The following JHY variants were observed in gnomAD, a reference collection of about 807,000 sequenced individuals.
JHY encodes the protein junctional cadherin complex regulator.
In JHY, 69 loss-of-function variants were observed where a neutral mutation model predicts 78.0. The ratio of observed to expected loss-of-function variants is 0.88; its 90% CI spans 0.73 to 1.08. JHY has a LOEUF of 1.08. Among genes scored for constraint, JHY ranks in the 50% least tolerant of loss-of-function variants. JHY has a pLI of 0.00. For synonymous variants in JHY, 368 were observed against 342.6 expected, an observed-to-expected ratio of 1.07 and a Z score of -0.82; for missense variants, 944 against 927.8, an observed-to-expected ratio of 1.02 and a Z score of -0.23.
At chr11:122,912,903 C>T (rs1014668441) in intron 3 of JHY, among the ~76,000 whole-genome samples, 7 of 152,018 alleles carry the variant, frequency 4.6e-5, no homozygotes, top group African/African-American at 9.7e-5. Flanking sequence ...GCTACGGACT[C>T]GGGGCAGACA....
intron 5 of JHY, among the ~76,000 whole-genome samples, chr11:122,943,057 TG>T (rs1764849952): frequency 6.6e-6 from 1 of 151,988 alleles, no homozygotes; most frequent in Admixed American, 6.6e-5. Flanking sequence ...AAAATTTATT[TG>T]GAGACAGGGT....
chr11:122,928,850 G>A (rs527325221), intron 4 of JHY, among the ~76,000 whole-genome samples: 21 of 152,092 alleles, frequency 1.4e-4, no homozygotes, highest in South Asian at 4.2e-4. Context: ...GGGTTTCACC[G>A]TGTTAGCCAG....
chr11:122,886,337 C>G, intron 2 of JHY, 144 bp downstream of exon 2: 1 of 755,174 alleles, frequency 1.3e-6, no homozygotes, highest in South Asian at 2.3e-5. Context: ...CCAAGGATAG[C>G]TGGGCACCAT....
intron 6 of JHY, among the ~76,000 whole-genome samples, chr11:122,951,907 G>A (rs2312937): frequency 0.27 from 40,487 of 151,954 alleles, 6,153 homozygotes; most frequent in Non-Finnish European, 0.35. Flanking sequence ...AATCTCATCA[G>A]GGATTGGTTG....
chr11:122,908,128 C>T (rs530467789), intron 3 of JHY, among the ~76,000 whole-genome samples: 27 of 152,224 alleles, frequency 1.8e-4, no homozygotes, highest in Non-Finnish European at 3.1e-4. Flanking sequence ...GTCCGCCACA[C>T]TCCCCAGGTG....
At chr11:122,903,772 G>A (rs1300541488) in intron 2 of JHY, among the ~76,000 whole-genome samples, 153 bp from the exon 3 acceptor site, 17 of 152,298 alleles carry the variant, frequency 1.1e-4, no homozygotes, top group African/African-American at 3.8e-4. Context: ...ATGAGCCACT[G>A]CACGCTGCTG....
chr11:122,905,242 A>T (rs767501902), intron 3 of JHY: 18 of 1,614,020 alleles, frequency 1.1e-5, no homozygotes, highest in Non-Finnish European at 1.5e-5. Context: ...ACTTAGTTCC[A>T]TTTCACAGGT....
rs1198387490 is a variant in JHY, at chr11:122,934,480, C to A, written c.1039C>A (p.Gln347Lys). 1.9e-6 allele frequency: 3 copies of A among 1,613,820 alleles called. No homozygotes were observed. Among genetic ancestry groups the A allele is most frequent in the Non-Finnish European group, 2.5e-6 (3 of 1,179,800 alleles). Residue 347 changes from glutamine (Q) to lysine (K), a missense_variant, in exon 5 of 9, where the codon CAA (glutamine) becomes AAA (lysine). By Grantham distance (53) the Gln-to-Lys change is moderately conservative. Coordinates refer to ENST00000227349, the MANE Select transcript of JHY (RefSeq NM_024806.4). The stretch of plus-strand genomic sequence containing the variant: ...AAAATCAAGCAATGTACCAAGAGGG[C>A]AACCTTCTGACATGGTGAATGACCA... ...STKSSNVPRG[Q>K]PSDMVNDHQP... is the part of the protein sequence containing the mutation.
intron 3 of JHY, among the ~76,000 whole-genome samples, chr11:122,913,478 C>G (rs1485056713): frequency 2.0e-5 from 3 of 152,174 alleles, no homozygotes; most frequent in Non-Finnish European, 4.4e-5. Flanking sequence ...TGACCTGGCT[C>G]CTTCCTGCTC....
At position 122,886,101 on chromosome 11, in the gene JHY, C is replaced by G. The variant is rs1315653657; in HGVS notation, c.252C>G (p.Ser84Arg). The G allele has an allele frequency of 1.9e-6, 3 of 1,614,120 alleles. No individual in the cohort carries two copies. Among genetic ancestry groups the G allele is most frequent in the Admixed American group, 1.7e-5 (1 of 60,002 alleles). Reference sequence around the variant, plus strand: ...AGGAGGAAAGCCCTCGATGGGGAAGCCTGCACGAGATGGAAGAGGAAGCAA... The same window carrying G: ...AGGAGGAAAGCCCTCGATGGGGAAGGCTGCACGAGATGGAAGAGGAAGCAA... ...LDEEESPRWG[S>R]LHEMEEEASG... The change falls in exon 2 of 9, where the codon AGC becomes AGG. Residue 84 changes from serine (S) to arginine (R), a missense_variant. Ser to Arg is a moderately radical substitution (Grantham distance 110, BLOSUM62 -1). Coordinates refer to ENST00000227349, the MANE Select transcript of JHY (RefSeq NM_024806.4).
intron 3 of JHY, among the ~76,000 whole-genome samples, chr11:122,922,378 ATGT>A (rs1043094073): frequency 4.1e-4 from 63 of 152,340 alleles, no homozygotes; most frequent in Middle Eastern, 3.4e-3. Context: ...AAGAAAGAAA[ATGT>A]TGTGTTTTGT....
chr11:122,927,964 C>T (rs1324654363), intron 4 of JHY, among the ~76,000 whole-genome samples: 2 of 152,118 alleles, frequency 1.3e-5, no homozygotes, highest in Non-Finnish European at 2.9e-5. Flanking sequence ...CTCCTGACCT[C>T]AGGTGATCTG....
At chr11:122,910,951 C>T (rs1226672224) in intron 3 of JHY, among the ~76,000 whole-genome samples, 3 of 152,072 alleles carry the variant, frequency 2.0e-5, no homozygotes, top group Admixed American at 2.0e-4. Context: ...AGCGAGGAAC[C>T]GATGTAAAAA....
chr11:122,932,293 T>C (rs1863652492), intron 4 of JHY, among the ~76,000 whole-genome samples: 2 of 152,178 alleles, frequency 1.3e-5, no homozygotes, highest in Admixed American at 1.3e-4. Context: ...ATGCCATCTC[T>C]GGGCACTTAT....
At chr11:122,912,346 TC>T (rs1490577193) in intron 3 of JHY, among the ~76,000 whole-genome samples, 3 of 151,092 alleles carry the variant, frequency 2.0e-5, no homozygotes, top group Non-Finnish European at 4.4e-5. Context: ...GGAAGGTCTC[TC>T]TGAGGACGTA....
At chr11:122,940,337 CA>C (rs1390670006) in intron 5 of JHY, among the ~76,000 whole-genome samples, 1 of 151,110 alleles carries the variant, frequency 6.6e-6, no homozygotes. Flanking sequence ...GGTTCTGTCT[CA>C]AAAAAAGAAA....
At chr11:122,909,122 G>T (rs1272708220) in intron 3 of JHY, among the ~76,000 whole-genome samples, 3 of 152,036 alleles carry the variant, frequency 2.0e-5, no homozygotes. Flanking sequence ...CATATAAGAG[G>T]TTACTCAGTC....
At chr11:122,948,320 G>A (rs940586999) in intron 6 of JHY, among the ~76,000 whole-genome samples, 3 of 151,964 alleles carry the variant, frequency 2.0e-5, no homozygotes, top group Admixed American at 1.3e-4. Flanking sequence ...GCAGGTGCCT[G>A]TAATCTCAGC....
intron 2 of JHY, among the ~76,000 whole-genome samples, chr11:122,893,226 T>C (rs1403804465): frequency 6.6e-6 from 1 of 152,228 alleles, no homozygotes; most frequent in Non-Finnish European, 1.5e-5. Context: ...GACTTTTTGT[T>C]GCAGGTATTA....
Sources: gnomAD v4.1 joint callset for allele counts (sites outside exome capture counted in the v4.1 genomes callset) on GRCh38, gnomAD v4.1.1 for gene constraint, MANE v1.5 for transcripts, NCBI Gene and HGNC (gene_info 2026-07-23, HGNC 2026-07-21) for gene names.